The following IQCK variants were observed in gnomAD, a reference collection of about 807,000 sequenced individuals.
The protein encoded by IQCK is IQ motif containing K.
Under a neutral mutation model 28.1 loss-of-function variants are expected in IQCK, and 29 were observed. The observed-to-expected ratio is 1.03, with a 90% CI of 0.77 to 1.41. The LOEUF is 1.41. Ranked by LOEUF, IQCK falls within the 40% of genes most tolerant of loss-of-function variation. The pLI, the probability that IQCK is intolerant of heterozygous loss-of-function variation, is 0.00. For missense variants in IQCK, 359 were observed against 314.7 expected (o/e 1.14, Z -1.07); for synonymous variants, 113 against 115.1 (o/e 0.98, Z 0.12).
chr16:19,839,264 G>A (rs992245262), intron 9 of IQCK, among the ~76,000 whole-genome samples: 1 of 151,374 alleles, frequency 6.6e-6, no homozygotes, highest in Non-Finnish European at 1.5e-5. Flanking sequence ...GGGTTCAAGG[G>A]TTCCTCCTGC....
intron 7 of IQCK, among the ~76,000 whole-genome samples, chr16:19,823,846 T>C (rs944958722): frequency 1.1e-4 from 17 of 152,020 alleles, no homozygotes; most frequent in African/African-American, 4.1e-4. Context: ...GGCAGCAGAA[T>C]TGCTTCAACC....
intron 6 of IQCK, among the ~76,000 whole-genome samples, chr16:19,781,536 T>C (rs1019370562): frequency 6.6e-6 from 1 of 152,168 alleles, no homozygotes; most frequent in Non-Finnish European, 1.5e-5. Flanking sequence ...AGAGTAAAGC[T>C]CTGCAGGTTT....
chr16:19,807,907 A>G (rs1042508070), intron 7 of IQCK, among the ~76,000 whole-genome samples: 2 of 152,194 alleles, frequency 1.3e-5, no homozygotes, highest in Admixed American at 1.3e-4. Context: ...TTTTCTCCCT[A>G]AGAATATATT....
chr16:19,854,088 T>G (rs2056522701), intron 9 of IQCK, among the ~76,000 whole-genome samples: 1 of 152,228 alleles, frequency 6.6e-6, no homozygotes, highest in Admixed American at 6.5e-5. Flanking sequence ...TGGCTGAACC[T>G]TAGCAACACA....
chr16:19,771,321 A>G (rs2055317891), intron 6 of IQCK, among the ~76,000 whole-genome samples: 2 of 152,134 alleles, frequency 1.3e-5, no homozygotes, highest in South Asian at 4.2e-4. Context: ...CAAACTCCTG[A>G]GCTCAAGCAA....
chr16:19,839,561 C>T (rs534318635), intron 9 of IQCK, among the ~76,000 whole-genome samples: 3 of 152,294 alleles, frequency 2.0e-5, no homozygotes, highest in African/African-American at 7.2e-5. Flanking sequence ...CTATTTTGTT[C>T]ATTGCTCTGT....
At chr16:19,745,317 T>C (rs1185913622) in intron 4 of IQCK, among the ~76,000 whole-genome samples, 2 of 152,158 alleles carry the variant, frequency 1.3e-5, no homozygotes, top group Non-Finnish European at 2.9e-5. Context: ...TCACTATGTC[T>C]GGTACAACTC....
At chr16:19,724,343 A>T (rs1250357606) in intron 1 of IQCK, among the ~76,000 whole-genome samples, 2 of 151,988 alleles carry the variant, frequency 1.3e-5, no homozygotes, top group Non-Finnish European at 2.9e-5. Flanking sequence ...TTTATCATTC[A>T]TCCCCTCTCT....
intron 3 of IQCK, chr16:19,734,068 G>T (rs1977927574): frequency 4.9e-6 from 2 of 410,594 alleles, no homozygotes; most frequent in East Asian, 4.8e-5. Flanking sequence ...ATAAAAAGTA[G>T]GAAAAGAGAA....
In IQCK at chr16:19,767,283, G is replaced by A. The variant is rs913378794; in HGVS notation, c.605+3171G>A. Among the ~76,000 whole-genome samples the A allele has an allele frequency of 5.3e-4, 81 of 152,312 alleles. 2 individuals carry two copies. The highest frequency in any genetic ancestry group is 5.0e-3 in the Admixed American group (77 of 15,300). The stretch of plus-strand genomic sequence containing the variant: ...CTCAATTCACCCTCTACCTTGTTGC[G>A]AGGACAGAGGGATTTCTGTATCCCA... On this transcript the variant is annotated intron_variant, in intron 6 of 7. Transcript: ENST00000564186.
intron 4 of IQCK, among the ~76,000 whole-genome samples, chr16:19,757,915 T>A (rs2055075102): frequency 6.6e-6 from 1 of 152,174 alleles, no homozygotes. Flanking sequence ...TCATCTCGGT[T>A]TTTTGGATGC....
chr16:19,836,193 T>C (rs1385783387), intron 9 of IQCK, among the ~76,000 whole-genome samples: 1 of 152,212 alleles, frequency 6.6e-6, no homozygotes, highest in African/African-American at 2.4e-5. Context: ...ATTTTCATTT[T>C]CATTTTTTTC....
intron 6 of IQCK, among the ~76,000 whole-genome samples, chr16:19,777,216 A>G (rs1021344200): frequency 4.6e-5 from 7 of 152,118 alleles, no homozygotes; most frequent in Admixed American, 1.3e-4. Flanking sequence ...GGCTGGGGGA[A>G]CCTATGATAT....
At chr16:19,771,978 C>CAT (rs1445650039) in intron 6 of IQCK, among the ~76,000 whole-genome samples, 2 of 152,080 alleles carry the variant, frequency 1.3e-5, no homozygotes, top group African/African-American at 4.8e-5. Context: ...ATTTGTGGTG[C>CAT]ATATAAACAG....
At chr16:19,745,657 A>G (rs2151694116) in intron 4 of IQCK, among the ~76,000 whole-genome samples, 1 of 152,356 alleles carries the variant, frequency 6.6e-6, no homozygotes, top group Non-Finnish European at 1.5e-5. Flanking sequence ...GCTGTGTTGT[A>G]CAGTAAACTA....
intron 6 of IQCK, among the ~76,000 whole-genome samples, chr16:19,782,456 C>T (rs554418599): frequency 5.4e-5 from 8 of 149,208 alleles, no homozygotes; most frequent in Non-Finnish European, 7.4e-5. Context: ...CCTGTCTCTA[C>T]AAAAATACCA....
intron 2 of IQCK, 97 bp from the exon 3 acceptor site, chr16:19,733,601 C>G (rs1977911064): frequency 5.0e-6 from 7 of 1,410,262 alleles, no homozygotes; most frequent in South Asian, 1.3e-5. Flanking sequence ...ACCTTAAAGT[C>G]TGATGCAGAA....
intron 4 of IQCK, among the ~76,000 whole-genome samples, chr16:19,741,430 A>G (rs1005533976): frequency 6.6e-6 from 1 of 152,192 alleles, no homozygotes; most frequent in African/African-American, 2.4e-5. Flanking sequence ...ATTTTGTAAC[A>G]AGGGGGCTAG....
chr16:19,771,958 G>A (rs1264434019), intron 6 of IQCK, among the ~76,000 whole-genome samples: 1 of 152,178 alleles, frequency 6.6e-6, no homozygotes, highest in Non-Finnish European at 1.5e-5. Context: ...TGGCCCAGCT[G>A]ATGGCCTGAA....
Sources: allele counts gnomAD v4.1 joint callset (sites outside exome capture counted in the v4.1 genomes callset), GRCh38; gene constraint gnomAD v4.1.1; transcripts MANE v1.5; gene names NCBI Gene and HGNC (gene_info 2026-07-23, HGNC 2026-07-21).